MAX: variants seen among roughly 807,000 people sequenced by gnomAD.
MAX encodes protein max.
In MAX, 3 loss-of-function variants were observed where a neutral mutation model predicts 22.3. That is an observed-to-expected ratio of 0.13 (90% CI 0.06 to 0.35). The LOEUF (loss-of-function observed/expected upper bound fraction) is 0.35, where lower values mean the gene tolerates loss of function less well. MAX is among the 10% of genes least tolerant of loss of function. The pLI, the probability that MAX is intolerant of heterozygous loss-of-function variation, is 1.00. For missense variants in MAX, 119 were observed against 209.4 expected (o/e 0.57, Z 2.66); for synonymous variants, 72 against 77.7 (o/e 0.93, Z 0.39).
chr14:65,046,592 G>T (rs1016947327), intron 3 of MAX, among the ~76,000 whole-genome samples: 8 of 152,156 alleles, frequency 5.3e-5, no homozygotes, highest in Non-Finnish European at 8.8e-5. Flanking sequence ...TCATTGGCTG[G>T]GAGAAGGCCT....
At chr14:65,033,995 T>C (rs2062140351) in intron 3 of MAX, among the ~76,000 whole-genome samples, 1 of 152,244 alleles carries the variant, frequency 6.6e-6, no homozygotes, top group Non-Finnish European at 1.5e-5. Flanking sequence ...TTTACAGTGA[T>C]ACCAGATGAT....
chr14:65,046,431 TGAGCTATAACAG>T (rs2062478418), intron 3 of MAX, among the ~76,000 whole-genome samples: 1 of 152,228 alleles, frequency 6.6e-6, no homozygotes, highest in Non-Finnish European at 1.5e-5. Flanking sequence ...AAATGTGGAA[TGAGCTATAACAG>T]GAGCACCACC....
chr14:65,076,270 A>G lies in MAX; in HGVS notation c.*206T>C. 6.9e-7 allele frequency: 1 copy of G among 1,441,424 alleles called. No homozygotes were observed. The highest frequency in any genetic ancestry group is 2.8e-5 in the Admixed American group (1 of 35,532). 89.3% of individuals were successfully genotyped at this position (1,441,424 alleles called of 1,614,324 possible). On this transcript the variant is annotated 3_prime_UTR_variant, in exon 5 of 5. Transcript: ENST00000358664. The surrounding 1 kb of genome is among the most constrained non-coding windows in gnomAD (Gnocchi z 6.6). The stretch of plus-strand genomic sequence containing the variant: ...GACAGGGAATCCCTGAAGGGAATAC[A>G]TTAAAAAATATACAGTGGAAATGGG...
chr14:65,020,579 G>A (rs532643466), intron 3 of MAX, among the ~76,000 whole-genome samples: 20 of 151,128 alleles, frequency 1.3e-4, no homozygotes, highest in Admixed American at 7.9e-4. Flanking sequence ...GCATACAGGC[G>A]GGAGCCACCA....
Position 65,023,366 on chromosome 14 carries a change from A to G in MAX, c.172-17082T>C, listed in dbSNP as rs2061922316. 6.6e-6 allele frequency among the ~76,000 whole-genome samples: 1 copy of G among 152,144 alleles called. No homozygotes were observed. The highest frequency in any genetic ancestry group is 2.1e-4 in the South Asian group (1 of 4,822). On this transcript the variant is annotated intron_variant, in intron 3 of 3. Coordinates refer to the MAX transcript ENST00000341653. The surrounding 1 kb of genome is among the most constrained non-coding windows in gnomAD (Gnocchi z 4.1). Reference sequence around the variant, plus strand: ...CCACCACGCCTGGCCAGAATCAATCACTTTAGATCAGTCCTCAGCCATCAC... The same window carrying G: ...CCACCACGCCTGGCCAGAATCAATCGCTTTAGATCAGTCCTCAGCCATCAC...
intron 3 of MAX, among the ~76,000 whole-genome samples, chr14:65,006,537 C>T (rs1037720342): frequency 1.3e-5 from 2 of 152,140 alleles, no homozygotes; most frequent in African/African-American, 4.8e-5. Context: ...GCTTAGCCTC[C>T]CCAGAGGGGA....
chr14:65,054,732 C>T lies in MAX; in HGVS notation c.171+38976G>A, dbSNP rs1277599869. 6.4e-7 allele frequency: 1 copy of T among 1,559,526 alleles called. No homozygotes were observed. Among genetic ancestry groups the T allele is most frequent in the Non-Finnish European group, 8.7e-7 (1 of 1,148,450 alleles). On this transcript the variant is annotated intron_variant, in intron 3 of 3. Coordinates refer to the MAX transcript ENST00000341653. The surrounding 1 kb of genome is among the most constrained non-coding windows in gnomAD (Gnocchi z 4.4). ...CTTCACACCCCTTCTCCACAGGGAC[C>T]TCGCGGACAGAAGGCTTTCCAAGTA... is the stretch of plus-strand genomic sequence containing the variant.
At chr14:65,091,767 G>C (rs2063515683) in intron 3 of MAX, 1 of 152,198 alleles carries the variant, frequency 6.6e-6, no homozygotes. Flanking sequence ...CTTCTTCTCT[G>C]TTTTTCTCCA....
intron 3 of MAX, among the ~76,000 whole-genome samples, chr14:65,016,725 T>C (rs1368779221): frequency 6.6e-6 from 1 of 152,160 alleles, no homozygotes; most frequent in Non-Finnish European, 1.5e-5. Flanking sequence ...TTGTGATGAA[T>C]GTGGATGGGG....
At chr14:65,081,259 A>T (rs937417758) in intron 3 of MAX, among the ~76,000 whole-genome samples, 4 of 152,260 alleles carry the variant, frequency 2.6e-5, no homozygotes, top group Non-Finnish European at 5.9e-5. Context: ...CAGGGTACCC[A>T]ACAAGAATTA....
At chr14:65,053,227 C>T in intron 3 of MAX, 2 of 1,367,780 alleles carry the variant, frequency 1.5e-6, no homozygotes, top group African/African-American at 3.0e-5. Context: ...TGACCCTTTG[C>T]CCTTCAACAG....
Position 65,088,785 on chromosome 14 carries a change from G to A in MAX, c.171+4923C>T, listed in dbSNP as rs2063415175. 6.6e-6 allele frequency among the ~76,000 whole-genome samples: 1 copy of A among 152,162 alleles called. No individual in the cohort carries two copies. The highest frequency in any genetic ancestry group is 1.5e-5 in the Non-Finnish European group (1 of 68,036). On this transcript the variant is annotated intron_variant, in intron 3 of 4. Transcript: ENST00000358664. This position sits in a 1 kb window ranked among gnomAD's most constrained non-coding sequence, Gnocchi z 5.2. ...TATTGTAGTGTAGTGCCAGCAGACAGTCATTTAATAATCACACAAATATAT... is the reference window on the plus strand; with the variant it reads ...TATTGTAGTGTAGTGCCAGCAGACAATCATTTAATAATCACACAAATATAT...
chr14:65,041,127 G>T (rs1324636007), intron 3 of MAX, among the ~76,000 whole-genome samples: 2 of 152,174 alleles, frequency 1.3e-5, no homozygotes, highest in African/African-American at 4.8e-5. Context: ...TTTACATAGT[G>T]TGTAGACTAC....
intron 3 of MAX, among the ~76,000 whole-genome samples, chr14:65,021,110 A>G (rs1337346622): frequency 6.6e-6 from 1 of 152,232 alleles, no homozygotes; most frequent in African/African-American, 2.4e-5. Context: ...GAACTAGACT[A>G]AGTACATTTG....
intron 3 of MAX, among the ~76,000 whole-genome samples, chr14:65,046,780 C>T (rs2139653657): frequency 6.6e-6 from 1 of 151,736 alleles, no homozygotes; most frequent in Non-Finnish European, 1.5e-5. Flanking sequence ...TGTGGAATCC[C>T]ATTTTTAGTG....
chr14:65,043,560 C>T (rs972308658), intron 3 of MAX, among the ~76,000 whole-genome samples: 20 of 152,120 alleles, frequency 1.3e-4, no homozygotes, highest in Non-Finnish European at 2.6e-4. Context: ...CGGTGGCTCA[C>T]GCCTGTAATC....
intron 3 of MAX, among the ~76,000 whole-genome samples, chr14:65,065,591 G>A (rs1036257101): frequency 1.3e-5 from 2 of 152,184 alleles, no homozygotes; most frequent in Admixed American, 1.3e-4. Flanking sequence ...ACAGTGGTAA[G>A]TATTTGTGAA....
upstream of MAX, chr14:65,102,537 G>T: frequency 6.9e-7 from 1 of 1,448,930 alleles, no homozygotes; most frequent in East Asian, 2.5e-5. Context: ...GATCAACGGC[G>T]GCACGCACGC....
In MAX at chr14:65,030,942, G is replaced by A. The variant is rs944722194; in HGVS notation, c.172-24658C>T. Among the ~76,000 whole-genome samples, 5 of 152,112 alleles carry A rather than the reference G, an allele frequency of 3.3e-5. No homozygotes were observed. The highest frequency in any genetic ancestry group is 1.2e-4 in the African/African-American group (5 of 41,420). ...CCTGCCTCGGTCTCCCAAGTAGCTG[G>A]GATTACAGGCGTGTGCCACCATGCC... On this transcript the variant is annotated intron_variant, in intron 3 of 3. Transcript: ENST00000341653. This position sits in a 1 kb window ranked among gnomAD's most constrained non-coding sequence, Gnocchi z 4.5.
Sources: gnomAD v4.1 joint callset for allele counts (sites outside exome capture counted in the v4.1 genomes callset) on GRCh38, gnomAD v4.1.1 for gene constraint, Gnocchi (gnomAD v3.1) non-coding constraint, MANE v1.5 for transcripts, NCBI Gene and HGNC (gene_info 2026-07-23, HGNC 2026-07-21) for gene names.